The following FHL2 variants were observed in gnomAD, a reference collection of about 807,000 sequenced individuals.
The protein encoded by FHL2 is four and a half LIM domains protein 2.
In FHL2, 20 loss-of-function variants were observed where a neutral mutation model predicts 32.7. The ratio of observed to expected loss-of-function variants is 0.61; its 90% CI spans 0.43 to 0.89. FHL2 has a LOEUF of 0.89. Among genes scored for constraint, FHL2 ranks in the 40% least tolerant of loss-of-function variants. The pLI is 0.00. For synonymous variants in FHL2, 123 were observed against 128.1 expected (o/e 0.96, Z 0.27); for missense variants, 311 against 358.6 (o/e 0.87, Z 1.07).
chr2:105,409,062 C>T (rs1370486056), intron 1 of FHL2, among the ~76,000 whole-genome samples: 1 of 152,046 alleles, frequency 6.6e-6, no homozygotes, highest in Non-Finnish European at 1.5e-5. Context: ...GGTGTTGTGG[C>T]CCAAAGAAGG....
At chr2:105,431,971 T>C (rs1684449389) in intron 1 of FHL2, among the ~76,000 whole-genome samples, 1 of 152,236 alleles carries the variant, frequency 6.6e-6, no homozygotes, top group African/African-American at 2.4e-5. Flanking sequence ...TTAATAAAAG[T>C]AGCTGAAGGG....
At chr2:105,393,370 A>T (rs1298109606) in intron 2 of FHL2, among the ~76,000 whole-genome samples, 1 of 152,230 alleles carries the variant, frequency 6.6e-6, no homozygotes, top group African/African-American at 2.4e-5. Flanking sequence ...TCGGTAAGTC[A>T]GTCCCTGTAT....
intron 1 of FHL2, among the ~76,000 whole-genome samples, chr2:105,434,782 C>CT (rs954541058): frequency 4.0e-4 from 59 of 149,012 alleles, no homozygotes; most frequent in South Asian, 1.3e-3. Context: ...TAAATTTCAA[C>CT]TTTTTTTTTT....
chr2:105,434,499 C>T (rs1241918839), intron 1 of FHL2, among the ~76,000 whole-genome samples: 8 of 151,938 alleles, frequency 5.3e-5, no homozygotes, highest in Admixed American at 2.6e-4. Context: ...ACCTGGGAGA[C>T]GGAGGTTGCA....
At chr2:105,363,584 TAA>T in intron 5 of FHL2, 113 bp from the exon 6 acceptor site, 1 of 995,110 alleles carries the variant, frequency 1.0e-6, no homozygotes, top group Non-Finnish European at 1.5e-6. Flanking sequence ...TCCAGTTTGT[TAA>T]GTCACCAAGA....
chr2:105,404,007 G>C (rs990168440), upstream of FHL2, among the ~76,000 whole-genome samples: 27 of 152,318 alleles, frequency 1.8e-4, no homozygotes, highest in East Asian at 5.8e-4. Context: ...GGGGTCGTGG[G>C]GGGGAGGCTG....
intron 1 of FHL2, among the ~76,000 whole-genome samples, chr2:105,413,033 A>T (rs187269077): frequency 3.9e-5 from 6 of 152,302 alleles, no homozygotes; most frequent in Non-Finnish European, 8.8e-5. Flanking sequence ...TCAAAGTCAG[A>T]GTTAATGGTG....
chr2:105,359,540 C>T (rs905438295), downstream of FHL2: 1 of 152,118 alleles, frequency 6.6e-6, no homozygotes, highest in Non-Finnish European at 1.5e-5. Flanking sequence ...ATTGCATTGT[C>T]TTAGAAAACT....
intron 1 of FHL2, among the ~76,000 whole-genome samples, chr2:105,422,011 T>A (rs1030444021): frequency 6.6e-6 from 1 of 152,204 alleles, no homozygotes; most frequent in Admixed American, 6.5e-5. Flanking sequence ...GTTGCGTGCA[T>A]TGGCAGCGTA....
intron 3 of FHL2, among the ~76,000 whole-genome samples, chr2:105,384,963 A>G (rs937169429): frequency 2.0e-5 from 3 of 152,236 alleles, no homozygotes; most frequent in Admixed American, 2.0e-4. Context: ...ATGAAAAGGG[A>G]CAGAGAAAAG....
chr2:105,431,925 G>A (rs554230276), intron 1 of FHL2, among the ~76,000 whole-genome samples: 3 of 152,238 alleles, frequency 2.0e-5, no homozygotes, highest in Non-Finnish European at 4.4e-5. Flanking sequence ...GAGCTCATCA[G>A]CAGCCAGAGT....
intron 3 of FHL2, chr2:105,378,209 A>C (rs901361881): frequency 6.4e-6 from 3 of 470,784 alleles, no homozygotes; most frequent in African/African-American, 6.0e-5. Flanking sequence ...TTTATGGCAC[A>C]AAAATGCAAT....
At chr2:105,417,769 T>C (rs1683977064) in intron 1 of FHL2, among the ~76,000 whole-genome samples, 1 of 151,940 alleles carries the variant, frequency 6.6e-6, no homozygotes, top group African/African-American at 2.4e-5. Context: ...ACATTAATAA[T>C]TGTTACTGTT....
rs773944178 is a variant in FHL2, at chr2:105,363,394, C to T, written c.579G>A (p.Lys193=). 4 of 1,613,916 alleles carry T rather than the reference C, an allele frequency of 2.5e-6. No individual in the cohort carries two copies. The South Asian group carries it at 4.4e-5, about 18-fold the overall frequency. The change falls in exon 6 of 7, where the codon AAG becomes AAA. Residue 193 remains lysine (K), a synonymous_variant. Transcript: ENST00000530340. ...KECFVCTACR[K]QLSGQRFTAR... is the part of the protein sequence containing the mutation. ...CTGTGAAGCGCTGCCCAGACAGCTG[C>T]TTCCTGCAGGCGGTGCACACGAAGC...
Position 105,373,616 on chromosome 2 carries a change from A to G in FHL2, c.274T>C (p.Cys92Arg), listed in dbSNP as rs149138019. The change falls in exon 4 of 7, where the codon TGC (cysteine) becomes CGC (arginine). Residue 92 changes from cysteine (C) to arginine (R), a missense_variant. Coordinates refer to ENST00000530340, the MANE Select transcript of FHL2 (RefSeq NM_001318895.3). ...TTGGATGAGTACTCGTTGGAATAGC[A>G]GTCTGTACAGAGCAGCTGGTCCTCC... ...AKEDQLLCTDCYSNEYSSKCQ... is the reference protein window; with the variant it reads ...AKEDQLLCTDRYSNEYSSKCQ... 3.9e-5 allele frequency: 63 copies of G among 1,614,094 alleles called. No homozygotes were observed. Among genetic ancestry groups the G allele is most frequent in the Non-Finnish European group, 5.2e-5 (61 of 1,180,048 alleles).
chr2:105,392,252 C>T (rs1181131510), intron 2 of FHL2, among the ~76,000 whole-genome samples: 1 of 152,154 alleles, frequency 6.6e-6, no homozygotes, highest in African/African-American at 2.4e-5. Context: ...GCAGACATAT[C>T]GTTTGAGCCC....
downstream of FHL2, chr2:105,359,353 T>C: frequency 6.6e-6 from 1 of 152,334 alleles, no homozygotes. Context: ...GATGAAATTA[T>C]TCTTTTTAAG....
intron 1 of FHL2, 44 bp downstream of exon 1, chr2:105,398,798 C>G (rs943066738): frequency 1.5e-5 from 20 of 1,377,806 alleles, no homozygotes; most frequent in Non-Finnish European, 1.7e-5. Context: ...CGGGTCCCCT[C>G]TCCCAGTGGT....
intron 1 of FHL2, among the ~76,000 whole-genome samples, chr2:105,437,723 A>C (rs1178819768): frequency 2.0e-5 from 3 of 152,202 alleles, no homozygotes; most frequent in Admixed American, 6.5e-5. Flanking sequence ...ATGGCATCCT[A>C]TCAATATTGA....
Sources: gnomAD v4.1 joint callset for allele counts (sites outside exome capture counted in the v4.1 genomes callset) on GRCh38, gnomAD v4.1.1 for gene constraint, MANE v1.5 for transcripts, NCBI Gene and HGNC (gene_info 2026-07-23, HGNC 2026-07-21) for gene names.